TBL1Y: variants seen among roughly 807,000 people sequenced by gnomAD.
TBL1Y encodes the protein transducin beta like 1 Y-linked.
In TBL1Y, 15 loss-of-function variants were observed where a neutral mutation model predicts 12.0. The observed-to-expected ratio is 1.25, with a 90% CI of 0.83 to 1.92. The LOEUF (loss-of-function observed/expected upper bound fraction) is 1.92. TBL1Y is among the 40% of genes most tolerant of loss of function. The pLI is 0.00. For missense variants in TBL1Y, 148 were observed against 116.7 expected, an observed-to-expected ratio of 1.27 and a Z score of -1.24; for synonymous variants, 53 against 42.6, an observed-to-expected ratio of 1.24 and a Z score of -0.95.
Position 7,064,157 on chromosome Y carries a change from C to G in TBL1Y, c.457+8C>G, listed in dbSNP as rs768039732. ...ATGGAGCACATGAAATCAGTGAGTG[C>G]GCAGGCTCTGGAAGTTTGGTGGGCC... On this transcript the variant is annotated splice_region_variant and intron_variant, in intron 8 of 18. Coordinates refer to ENST00000383032, the MANE Select transcript of TBL1Y (RefSeq NM_033284.2). 1 of 395,948 alleles carries G rather than the reference C, an allele frequency of 2.5e-6. No individual in the cohort carries two copies. The highest frequency in any genetic ancestry group is 3.5e-6 in the Non-Finnish European group (1 of 282,808).
chrY:7,042,172 C>T, intron 6 of TBL1Y, among the ~76,000 whole-genome samples: 1 of 32,480 alleles, frequency 3.1e-5, no homozygotes, highest in Non-Finnish European at 7.5e-5. Flanking sequence ...ATGCAATTGC[C>T]CCCAGTGCAC....
intron 4 of TBL1Y, among the ~76,000 whole-genome samples, chrY:7,006,640 A>T: frequency 3.0e-5 from 1 of 33,547 alleles, no homozygotes; most frequent in Non-Finnish European, 7.4e-5. Flanking sequence ...GCTTCTGCAC[A>T]GCAAAAGAAA....
rs774740139 is a variant in TBL1Y at position 7,063,883 on chromosome Y, G to C, written c.205-14G>C. ...CTTGTGAGCTGATGGCTGTCCCTTG[G>C]CTTGCTTCCCCAGGATGGCACAGTG... On this transcript the variant is annotated splice_polypyrimidine_tract_variant and intron_variant, in intron 7 of 18. Coordinates refer to ENST00000383032, the MANE Select transcript of TBL1Y (RefSeq NM_033284.2). 1.9e-4 allele frequency: 74 copies of C among 395,517 alleles called. No homozygotes were observed. Among genetic ancestry groups the C allele is most frequent in the Non-Finnish European group, 5.7e-5 (16 of 282,777 alleles).
At chrY:6,991,577 C>G in intron 3 of TBL1Y, among the ~76,000 whole-genome samples, 2 of 33,037 alleles carry the variant, frequency 6.1e-5, no homozygotes, top group Non-Finnish European at 1.5e-4. Flanking sequence ...TTTGGACACG[C>G]TCATACAGGG....
intron 1 of TBL1Y, among the ~76,000 whole-genome samples, chrY:6,911,531 C>A (rs990394033): frequency 2.9e-5 from 1 of 34,380 alleles, no homozygotes; most frequent in African/African-American, 1.1e-4. Context: ...GTTTCTGAGT[C>A]GCAAAACCGT....
At chrY:6,936,878 T>C in intron 2 of TBL1Y, among the ~76,000 whole-genome samples, 1 of 33,433 alleles carries the variant, frequency 3.0e-5, no homozygotes, top group Non-Finnish European at 7.4e-5. Context: ...AATTTTAGAT[T>C]TGCAGTGACT....
At chrY:7,084,855 G>A in intron 14 of TBL1Y, among the ~76,000 whole-genome samples, 1 of 32,275 alleles carries the variant, frequency 3.1e-5, no homozygotes, top group African/African-American at 1.2e-4. Flanking sequence ...GCACATGTGT[G>A]TCTGCCTGTA....
chrY:7,078,147 C>T, intron 13 of TBL1Y, among the ~76,000 whole-genome samples: 6 of 32,608 alleles, frequency 1.8e-4, no homozygotes, highest in Admixed American at 1.7e-3. Context: ...TGCACTCCAG[C>T]GTGGATGACA....
chrY:6,987,159 TGACAACACGTATA>T (rs1603034129), intron 3 of TBL1Y, among the ~76,000 whole-genome samples: 147 of 33,152 alleles, frequency 4.4e-3, no homozygotes, highest in Admixed American at 0.014. Context: ...TATGTGGAAT[TGACAACACGTATA>T]GATTCATACA....
intron 2 of TBL1Y, among the ~76,000 whole-genome samples, chrY:6,949,417 A>G: frequency 2.9e-5 from 1 of 34,089 alleles, no homozygotes; most frequent in African/African-American, 1.1e-4. Flanking sequence ...AAAGCAAGTC[A>G]TGGCTTCAGG....
chrY:7,087,650 G>A (rs2013148953), intron 17 of TBL1Y, among the ~76,000 whole-genome samples: 1 of 33,339 alleles, frequency 3.0e-5, no homozygotes, highest in Non-Finnish European at 7.4e-5. Flanking sequence ...GAAGGGCATC[G>A]TGTCTGCTGT....
chrY:7,014,257 C>T (rs962849931), intron 4 of TBL1Y, among the ~76,000 whole-genome samples: 1 of 31,824 alleles, frequency 3.1e-5, no homozygotes, highest in Non-Finnish European at 7.6e-5. Context: ...GAGATTTGGT[C>T]GTTTAAAAGT....
At chrY:7,015,325 AC>A (rs2012543316) in intron 4 of TBL1Y, among the ~76,000 whole-genome samples, 3 of 33,083 alleles carry the variant, frequency 9.1e-5, no homozygotes, top group Non-Finnish European at 2.2e-4. Context: ...AGACACCTGG[AC>A]AAATGAATCA....
chrY:6,945,274 G>A, intron 2 of TBL1Y, among the ~76,000 whole-genome samples: 4 of 22,735 alleles, frequency 1.8e-4, no homozygotes, highest in Non-Finnish European at 2.9e-4. Flanking sequence ...TTCCCCTTCC[G>A]TATTCCATCC....
intron 2 of TBL1Y, among the ~76,000 whole-genome samples, chrY:6,917,651 G>A: frequency 3.0e-5 from 1 of 33,002 alleles, no homozygotes; most frequent in Non-Finnish European, 7.4e-5. Context: ...TGAGGTCAGC[G>A]GGTGTCACAG....
rs2013137019 is a variant in TBL1Y at position 7,086,370 on chromosome Y, C to T, written c.1233C>T (p.Pro411=). Residue 411 remains proline (P), a synonymous_variant, in exon 16 of 19, where the codon CCC becomes CCT. Transcript: ENST00000383032. ...SKEIYTIKWS[P]TGPATSNPNS... ...AGATCTACACCATCAAGTGGAGCCC[C>T]ACCGGGCCTGCCACCAGCAACCCAA... 2.6e-6 allele frequency: 1 copy of T among 384,280 alleles called. No homozygotes were observed. Among genetic ancestry groups the T allele is most frequent in the Non-Finnish European group, 3.6e-6 (1 of 275,260 alleles).
chrY:6,975,903 G>A, intron 2 of TBL1Y, among the ~76,000 whole-genome samples: 3 of 26,443 alleles, frequency 1.1e-4, no homozygotes, highest in Non-Finnish European at 1.8e-4. Flanking sequence ...AATATACTTC[G>A]TGTGTGTGTG....
intron 7 of TBL1Y, among the ~76,000 whole-genome samples, chrY:7,060,390 T>C (rs2012853903): frequency 3.1e-5 from 1 of 32,383 alleles, no homozygotes; most frequent in Non-Finnish European, 7.5e-5. Flanking sequence ...TGCCTTAGCT[T>C]TCTGACTTGT....
intron 6 of TBL1Y, 152 bp downstream of exon 6, chrY:7,025,294 G>A: frequency 6.3e-6 from 1 of 159,405 alleles, no homozygotes; most frequent in East Asian, 1.1e-4. Context: ...GTGGAGCCAT[G>A]TCATCCCACC....
Sources: allele counts gnomAD v4.1 joint callset (sites outside exome capture counted in the v4.1 genomes callset), GRCh38; gene constraint gnomAD v4.1.1; transcripts MANE v1.5; gene names NCBI Gene and HGNC (gene_info 2026-07-23, HGNC 2026-07-21).